IRF2: variants seen among roughly 807,000 people sequenced by gnomAD.
IRF2 encodes interferon regulatory factor 2.
IRF2 carries 15 observed loss-of-function variants against 40.6 expected under a neutral mutation model. That is an observed-to-expected ratio of 0.37 (90% CI 0.25 to 0.57). IRF2 has a LOEUF of 0.57. Ranked by LOEUF, IRF2 falls within the 20% of genes least tolerant of loss-of-function variation. The pLI is 0.77. For missense variants in IRF2, 317 were observed against 455.7 expected (o/e 0.70, Z 2.77); for synonymous variants, 151 against 165.5 (o/e 0.91, Z 0.67).
At chr4:184,463,912 C>A (rs936407119) in intron 1 of IRF2, among the ~76,000 whole-genome samples, 3 of 152,178 alleles carry the variant, frequency 2.0e-5, no homozygotes, top group Admixed American at 1.3e-4. Flanking sequence ...GAAAATACAA[C>A]TTCTCAGGCT....
chr4:184,462,649 T>A (rs1009917799), intron 1 of IRF2, among the ~76,000 whole-genome samples: 2 of 152,202 alleles, frequency 1.3e-5, no homozygotes, highest in African/African-American at 4.8e-5. Flanking sequence ...AGGATCATCA[T>A]TGGAACTTAA....
In IRF2 at chr4:184,387,784, CAT is replaced by C. The variant is rs1332395376; in HGVS notation, c.*972_*973del. 1 of 151,258 alleles carries C rather than the reference CAT, an allele frequency of 6.6e-6. No homozygotes were observed. Among genetic ancestry groups the C allele is most frequent in the Non-Finnish European group, 1.5e-5 (1 of 67,890 alleles). 9.4% of individuals were successfully genotyped at this position (151,258 alleles called of 1,614,324 possible). On this transcript the variant is annotated 3_prime_UTR_variant, in exon 9 of 9. Coordinates refer to ENST00000393593, the MANE Select transcript of IRF2 (RefSeq NM_002199.4). ...AATCCACAGGAAAATCTGATTGCTA[CAT>C]GAGCTCATAAAAGCTTTTTTCACCT...
intron 1 of IRF2, among the ~76,000 whole-genome samples, chr4:184,447,397 A>C (rs1255221638): frequency 6.6e-6 from 1 of 152,264 alleles, no homozygotes; most frequent in Non-Finnish European, 1.5e-5. Context: ...GTAGAATGCA[A>C]ACAAATAAAT....
At chr4:184,454,448 C>A (rs1738836989) in intron 1 of IRF2, among the ~76,000 whole-genome samples, 1 of 152,146 alleles carries the variant, frequency 6.6e-6, no homozygotes, top group African/African-American at 2.4e-5. Context: ...GGAAAAAGAG[C>A]CAAAATTGCT....
intron 2 of IRF2, among the ~76,000 whole-genome samples, chr4:184,427,423 A>G (rs1018989099): frequency 2.0e-5 from 3 of 152,238 alleles, no homozygotes; most frequent in Non-Finnish European, 2.9e-5. Context: ...TGGAAGGCCA[A>G]GGCGGGCAGC....
At chr4:184,449,604 A>G (rs1738640407) in intron 1 of IRF2, among the ~76,000 whole-genome samples, 1 of 152,242 alleles carries the variant, frequency 6.6e-6, no homozygotes, top group African/African-American at 2.4e-5. Flanking sequence ...GACACAGGCA[A>G]TCACAGTGAG....
chr4:184,401,018 C>T (rs1163606715), intron 6 of IRF2, among the ~76,000 whole-genome samples: 3 of 152,222 alleles, frequency 2.0e-5, no homozygotes, highest in Non-Finnish European at 4.4e-5. Flanking sequence ...CATCGTTATC[C>T]TGTTATAGAT....
At chr4:184,407,143 G>A (rs549763940) in intron 6 of IRF2, 341 of 1,265,464 alleles carry the variant, frequency 2.7e-4, no homozygotes, top group Middle Eastern at 4.6e-4. Context: ...TACACTGCCC[G>A]GGAGATGGTT....
At chr4:184,393,793 G>A (rs554375310) in intron 7 of IRF2, among the ~76,000 whole-genome samples, 74 of 152,258 alleles carry the variant, frequency 4.9e-4, no homozygotes, top group Non-Finnish European at 8.8e-4. Context: ...CTTAGGAGCA[G>A]AGAACCCTGA....
At chr4:184,459,624 C>G (rs1004866227) in intron 1 of IRF2, among the ~76,000 whole-genome samples, 1 of 152,286 alleles carries the variant, frequency 6.6e-6, no homozygotes, top group East Asian at 1.9e-4. Flanking sequence ...ACTAGTGTGT[C>G]ATTTTCAAAA....
chr4:184,440,930 G>A (rs893828372), intron 1 of IRF2, among the ~76,000 whole-genome samples: 6 of 152,196 alleles, frequency 3.9e-5, no homozygotes, highest in African/African-American at 1.4e-4. Context: ...AAGAGGTGAT[G>A]GCTGGGCTAC....
intron 2 of IRF2, among the ~76,000 whole-genome samples, chr4:184,419,877 A>C (rs1737421812): frequency 6.6e-6 from 1 of 151,984 alleles, no homozygotes; most frequent in Admixed American, 6.6e-5. Context: ...TTTTCAATAT[A>C]TTTTTTTGGA....
intron 1 of IRF2, among the ~76,000 whole-genome samples, chr4:184,449,501 T>C (rs537337915): frequency 1.2e-4 from 18 of 152,322 alleles, no homozygotes; most frequent in Non-Finnish European, 2.5e-4. Context: ...GCTCAATAAA[T>C]ATTAGTTGAC....
intron 8 of IRF2, among the ~76,000 whole-genome samples, chr4:184,389,571 T>A (rs1736179314): frequency 6.6e-6 from 1 of 152,210 alleles, no homozygotes. Flanking sequence ...GCTATTCATA[T>A]GCCAAGTAAT....
At chr4:184,395,186 T>G (rs1736399904) in intron 7 of IRF2, among the ~76,000 whole-genome samples, 1 of 151,410 alleles carries the variant, frequency 6.6e-6, no homozygotes. Context: ...CCGAAGCGGG[T>G]GGATCACGAG....
chr4:184,473,134 A>C (rs1579125888), intron 1 of IRF2, among the ~76,000 whole-genome samples: 1 of 151,770 alleles, frequency 6.6e-6, no homozygotes, highest in East Asian at 2.0e-4. Flanking sequence ...GGCGAGGCGG[A>C]AAGGAAGTGG....
At chr4:184,447,719 T>A (rs1432331226) in intron 1 of IRF2, among the ~76,000 whole-genome samples, 1 of 152,376 alleles carries the variant, frequency 6.6e-6, no homozygotes, top group East Asian at 1.9e-4. Context: ...GCCGTGATAT[T>A]CTTGTAAGAA....
Position 184,451,299 on chromosome 4 carries a change from T to C in IRF2, c.-6-22229A>G, listed in dbSNP as rs1738705206. On this transcript the variant is annotated intron_variant, in intron 1 of 8. Transcript: ENST00000393593. ...ACATTTGCAGGCACTGAATTGTTTA[T>C]AAATATATACATGCAAAAGTCCAAA... Among the ~76,000 whole-genome samples the C allele has an allele frequency of 2.0e-5, 3 of 152,200 alleles. 1 individual carries two copies. In the South Asian group the frequency reaches 6.2e-4, roughly 31 times the overall value.
chr4:184,461,370 C>T (rs572244576), intron 1 of IRF2, among the ~76,000 whole-genome samples: 89 of 152,278 alleles, frequency 5.8e-4, no homozygotes, highest in Admixed American at 1.3e-3. Flanking sequence ...CTGCGGCTTC[C>T]CCTACAATCT....
Sources: allele counts gnomAD v4.1 joint callset (sites outside exome capture counted in the v4.1 genomes callset), GRCh38; gene constraint gnomAD v4.1.1; transcripts MANE v1.5; gene names NCBI Gene and HGNC (gene_info 2026-07-23, HGNC 2026-07-21).